Variants in GALNT18 observed in about 807,000 individuals in gnomAD.
GALNT18 encodes the protein GalNAc-transferase 18.
Under a neutral mutation model 69.5 loss-of-function variants are expected in GALNT18, and 44 were observed. That is an observed-to-expected ratio of 0.63 (90% confidence interval 0.50 to 0.81). The LOEUF (loss-of-function observed/expected upper bound fraction) is 0.81. Among genes scored for constraint, GALNT18 ranks in the 40% least tolerant of loss-of-function variants. The probability of loss-of-function intolerance (pLI) is 0.00; values close to 1 mark genes in which losing one functional copy is unlikely to be tolerated. For synonymous variants in GALNT18, 364 were observed against 318.2 expected (o/e 1.14, Z -1.53); for missense variants, 715 against 810.0 (o/e 0.88, Z 1.42).
At position 11,339,419 on chromosome 11, in the gene GALNT18, A is replaced by G. The variant is rs1249351826; in HGVS notation, c.1278+1400T>C. On this transcript the variant is annotated intron_variant, in intron 7 of 10. Coordinates refer to ENST00000227756, the MANE Select transcript of GALNT18 (RefSeq NM_198516.3). The surrounding 1 kb of genome is among the most constrained non-coding windows in gnomAD (Gnocchi z 5.2). ...AGTTTTGCAGCTCTGGGGTACAGAGAGAAGGCAGTAAGAGTATGCTCACTC... is the reference window on the plus strand; with the variant it reads ...AGTTTTGCAGCTCTGGGGTACAGAGGGAAGGCAGTAAGAGTATGCTCACTC... Among the ~76,000 whole-genome samples the G allele has an allele frequency of 1.3e-5, 2 of 152,154 alleles. No individual in the cohort carries two copies. The highest frequency in any genetic ancestry group is 4.8e-5 in the African/African-American group (2 of 41,438).
chr11:11,375,895 G>A (rs1208318830), intron 5 of GALNT18, among the ~76,000 whole-genome samples: 1 of 152,166 alleles, frequency 6.6e-6, no homozygotes, highest in African/African-American at 2.4e-5. Flanking sequence ...AAGGAAAAAT[G>A]TGATCTTAAG....
chr11:11,273,492 T>G (rs939923867), intron 10 of GALNT18, among the ~76,000 whole-genome samples: 1 of 152,100 alleles, frequency 6.6e-6, no homozygotes, highest in African/African-American at 2.4e-5. Context: ...AAAACTATAA[T>G]GAATCATCTC....
intron 1 of GALNT18, among the ~76,000 whole-genome samples, chr11:11,520,472 C>T (rs1857371864): frequency 6.6e-6 from 1 of 152,220 alleles, no homozygotes; most frequent in Admixed American, 6.5e-5. Context: ...GCATGTCAGA[C>T]ATCTCTGAAA....
At position 11,469,842 on chromosome 11, in the gene GALNT18, C is replaced by T. The variant is rs1283582171; in HGVS notation, c.236-20906G>A. ...ATGGGGCCTTTTCCAAGGACCCCCT[C>T]AGCCTGTCTTCCACTCAGCTCCATT... On this transcript the variant is annotated intron_variant, in intron 1 of 10. Coordinates refer to ENST00000227756, the MANE Select transcript of GALNT18 (RefSeq NM_198516.3). The surrounding 1 kb of genome is among the most constrained non-coding windows in gnomAD (Gnocchi z 4.2). Among the ~76,000 whole-genome samples, 4 of 152,298 alleles carry T rather than the reference C, an allele frequency of 2.6e-5. No individual in the cohort carries two copies. In the South Asian group the frequency reaches 6.2e-4, roughly 24 times the overall value.
intron 9 of GALNT18, among the ~76,000 whole-genome samples, chr11:11,325,448 C>G (rs913655829): frequency 1.3e-5 from 2 of 151,976 alleles, no homozygotes; most frequent in Non-Finnish European, 2.9e-5. Flanking sequence ...AAAATTTCAG[C>G]AATCACCACT....
At chr11:11,556,273 G>A (rs992664045) in intron 1 of GALNT18, among the ~76,000 whole-genome samples, 2 of 152,166 alleles carry the variant, frequency 1.3e-5, no homozygotes, top group Non-Finnish European at 2.9e-5. Context: ...AAACTCTATG[G>A]GGTACCATTC....
chr11:11,545,488 T>A (rs1056067626), intron 1 of GALNT18, among the ~76,000 whole-genome samples: 1 of 152,204 alleles, frequency 6.6e-6, no homozygotes, highest in Non-Finnish European at 1.5e-5. Flanking sequence ...ATGCCAACCA[T>A]GCCCACCTGT....
intron 1 of GALNT18, among the ~76,000 whole-genome samples, chr11:11,527,065 T>C (rs537871370): frequency 6.6e-6 from 1 of 152,246 alleles, no homozygotes; most frequent in Admixed American, 6.5e-5. Flanking sequence ...TGACACCAGA[T>C]TGCCAATGAC....
chr11:11,278,177 G>A (rs1848988672), intron 10 of GALNT18, among the ~76,000 whole-genome samples: 1 of 152,080 alleles, frequency 6.6e-6, no homozygotes, highest in East Asian at 1.9e-4. Flanking sequence ...TTAATAATCT[G>A]GGTGCAGGAC....
chr11:11,461,622 A>G lies in GALNT18; in HGVS notation c.236-12686T>C, dbSNP rs1197673640. Among the ~76,000 whole-genome samples the G allele has an allele frequency of 6.6e-6, 1 of 152,120 alleles. No homozygotes were observed. The highest frequency in any genetic ancestry group is 1.5e-5 in the Non-Finnish European group (1 of 68,022). On this transcript the variant is annotated intron_variant, in intron 1 of 10. Transcript: ENST00000227756. This position sits in a 1 kb window ranked among gnomAD's most constrained non-coding sequence, Gnocchi z 4.1. ...CTGACACCCGGACTTCTAAATATAC[A>G]CTACACTGTTCACACATAAAACAGT...
chr11:11,271,605 G>GGCTGGGTCTTGCTCCCCATAGCCATC (rs1848829598), intron 10 of GALNT18, among the ~76,000 whole-genome samples: 1 of 151,210 alleles, frequency 6.6e-6, no homozygotes, highest in Non-Finnish European at 1.5e-5. Flanking sequence ...CCTACCCCAG[G>GGCTGGGTCTTGCTCCCCATAGCCATC]GGCTGGGTCC....
chr11:11,552,763 G>A (rs909807938), intron 1 of GALNT18, among the ~76,000 whole-genome samples: 1 of 152,150 alleles, frequency 6.6e-6, no homozygotes, highest in Non-Finnish European at 1.5e-5. Flanking sequence ...TTTGACCAGA[G>A]GCTAAATCCA....
At chr11:11,379,328 A>G in intron 3 of GALNT18, 64 bp from the exon 4 acceptor site, 1 of 1,473,792 alleles carries the variant, frequency 6.8e-7, no homozygotes, top group Non-Finnish European at 9.3e-7. Context: ...GGGCAATCAC[A>G]ACAGTCACTC....
intron 1 of GALNT18, among the ~76,000 whole-genome samples, chr11:11,508,983 C>T (rs940221838): frequency 1.3e-5 from 2 of 152,312 alleles, no homozygotes; most frequent in African/African-American, 4.8e-5. Flanking sequence ...ATCTGGCACT[C>T]AGGCTCAACC....
rs1381699411 is a variant in GALNT18, at chr11:11,543,668, G to A, written c.235+77691C>T. ...TCTGTTCCTCCCCTCGCCACCCACT[G>A]ACCTGATGCGAATCCCATCCATCCC... On this transcript the variant is annotated intron_variant, in intron 1 of 10. Transcript: ENST00000227756. The surrounding 1 kb of genome is among the most constrained non-coding windows in gnomAD (Gnocchi z 5.1). 6.6e-6 allele frequency among the ~76,000 whole-genome samples: 1 copy of A among 152,194 alleles called. No individual in the cohort carries two copies. The highest frequency in any genetic ancestry group is 1.9e-4 in the East Asian group (1 of 5,190).
chr11:11,440,400 G>C (rs1445641716), intron 2 of GALNT18, among the ~76,000 whole-genome samples: 2 of 152,208 alleles, frequency 1.3e-5, no homozygotes, highest in African/African-American at 2.4e-5. Flanking sequence ...TCAGTGAGCA[G>C]GCCAGGCCCA....
rs574571896 is a variant in GALNT18 at position 11,315,545 on chromosome 11, C to A, written c.1512+11541G>T. ...GCAGGTTTTCAGCCCAACTCTTAGC[C>A]TCCGATGTCCCCTTTCTTCACCCGT... is the stretch of plus-strand genomic sequence containing the variant. On this transcript the variant is annotated intron_variant, in intron 9 of 10. Coordinates refer to ENST00000227756, the MANE Select transcript of GALNT18 (RefSeq NM_198516.3). This position sits in a 1 kb window ranked among gnomAD's most constrained non-coding sequence, Gnocchi z 5.6. Among the ~76,000 whole-genome samples, 1 of 152,326 alleles carries A rather than the reference C, an allele frequency of 6.6e-6. No homozygotes were observed. Among genetic ancestry groups the A allele is most frequent in the Non-Finnish European group, 1.5e-5 (1 of 68,020 alleles).
At chr11:11,398,146 C>T (rs1481072383) in intron 3 of GALNT18, among the ~76,000 whole-genome samples, 1 of 152,220 alleles carries the variant, frequency 6.6e-6, no homozygotes, top group Admixed American at 6.5e-5. Context: ...GGATGTTAAG[C>T]AATGTGTTCA....
chr11:11,423,035 G>A (rs2133777799), intron 3 of GALNT18, among the ~76,000 whole-genome samples: 1 of 152,290 alleles, frequency 6.6e-6, no homozygotes, highest in African/African-American at 2.4e-5. Context: ...CCATGTGCCT[G>A]TATATGCTGC....
Sources: allele counts gnomAD v4.1 joint callset (sites outside exome capture counted in the v4.1 genomes callset), GRCh38; gene constraint gnomAD v4.1.1; non-coding constraint Gnocchi (gnomAD v3.1); transcripts MANE v1.5; gene names NCBI Gene and HGNC (gene_info 2026-07-23, HGNC 2026-07-21).